Variants in SPAG9 observed in about 807,000 individuals in gnomAD.
The protein encoded by SPAG9 is C-Jun-amino-terminal kinase-interacting protein 4.
A neutral mutation model predicts 166.5 loss-of-function variants in SPAG9; 35 were observed. The ratio of observed to expected loss-of-function variants is 0.21; its 90% CI spans 0.16 to 0.28. The LOEUF is 0.28. Among genes scored for constraint, SPAG9 ranks in the 10% least tolerant of loss-of-function variants. The pLI, the probability that SPAG9 is intolerant of heterozygous loss-of-function variation, is 1.00. For synonymous variants in SPAG9, 534 were observed against 565.5 expected (o/e 0.94, Z 0.79); for missense variants, 1,235 against 1,603.3 (o/e 0.77, Z 3.92).
chr17:51,017,673 A>T (rs2045760498), intron 8 of SPAG9, among the ~76,000 whole-genome samples: 1 of 152,228 alleles, frequency 6.6e-6, no homozygotes, highest in South Asian at 2.1e-4. Context: ...GATCTACCTC[A>T]TAAGGTTGTA....
chr17:51,021,425 T>A, intron 6 of SPAG9, 60 bp from the exon 7 acceptor site: 2 of 1,318,854 alleles, frequency 1.5e-6, no homozygotes, highest in South Asian at 1.4e-5. Flanking sequence ...TAAACCACAT[T>A]AAATGGGTTG....
At chr17:50,996,028 T>C (rs978041262) in intron 16 of SPAG9, 1 of 159,700 alleles carries the variant, frequency 6.3e-6, no homozygotes, top group Non-Finnish European at 1.4e-5. Flanking sequence ...AAAATCAAGT[T>C]GAGCAATTCA....
chr17:50,975,783 G>T, intron 27 of SPAG9: 3 of 1,007,598 alleles, frequency 3.0e-6, no homozygotes, highest in Non-Finnish European at 3.0e-6. Flanking sequence ...ATTCAAGAGG[G>T]TATTCTAGAG....
chr17:51,030,072 T>C (rs1461125010), intron 6 of SPAG9, among the ~76,000 whole-genome samples: 2 of 152,196 alleles, frequency 1.3e-5, no homozygotes, highest in Non-Finnish European at 2.9e-5. Context: ...CATTTTCTTA[T>C]GGGTTTTAAA....
At chr17:50,988,147 C>T (rs192096284) in intron 21 of SPAG9, among the ~76,000 whole-genome samples, 10 of 152,026 alleles carry the variant, frequency 6.6e-5, no homozygotes, top group Admixed American at 4.6e-4. Context: ...ACCTGGAAGG[C>T]GGAGGTTGCA....
chr17:51,111,054 T>C (rs2049096596), intron 1 of SPAG9, among the ~76,000 whole-genome samples: 1 of 151,220 alleles, frequency 6.6e-6, no homozygotes, highest in Non-Finnish European at 1.5e-5. Flanking sequence ...AGGCGGAGGT[T>C]GCAGTGAGCC....
intron 2 of SPAG9, among the ~76,000 whole-genome samples, chr17:51,062,245 C>T (rs763539023): frequency 1.3e-5 from 2 of 152,160 alleles, no homozygotes; most frequent in Non-Finnish European, 2.9e-5. Context: ...GAGTGGTATA[C>T]CTTTTACAAT....
At chr17:51,041,289 A>T (rs1428368167) in intron 5 of SPAG9, among the ~76,000 whole-genome samples, 1 of 152,218 alleles carries the variant, frequency 6.6e-6, no homozygotes, top group Non-Finnish European at 1.5e-5. Context: ...AGATGATATA[A>T]TGCTTCACTT....
At chr17:51,077,642 C>T (rs904791239) in intron 2 of SPAG9, among the ~76,000 whole-genome samples, 14 of 151,748 alleles carry the variant, frequency 9.2e-5, no homozygotes, top group Non-Finnish European at 1.6e-4. Flanking sequence ...TGCAGTCCTC[C>T]GAGATTTCAA....
intron 12 of SPAG9, among the ~76,000 whole-genome samples, chr17:51,003,967 T>TA: frequency 6.6e-6 from 1 of 152,162 alleles, no homozygotes. Context: ...AATAAATACA[T>TA]AAATTGTGAC....
At chr17:50,967,399 G>GA (rs1178076136) in intron 29 of SPAG9, among the ~76,000 whole-genome samples, 3 of 152,086 alleles carry the variant, frequency 2.0e-5, no homozygotes, top group Non-Finnish European at 4.4e-5. Flanking sequence ...CAACAGAAGA[G>GA]AAAAAACCCT....
rs1264745972 is a variant in SPAG9 at position 51,031,719 on chromosome 17, T to C, written c.745A>G (p.Ser249Gly). The C allele has an allele frequency of 3.9e-6, 6 of 1,550,640 alleles. No homozygotes were observed. The highest frequency in any genetic ancestry group is 5.2e-6 in the Non-Finnish European group (6 of 1,146,192). The change falls in exon 6 of 30, where the codon AGC becomes GGC. Residue 249 changes from serine (S) to glycine (G), a missense_variant. Ser to Gly is a moderately conservative substitution (Grantham distance 56, BLOSUM62 0). Transcript: ENST00000262013. Reference protein sequence around the residue: ...QPRSHTSLKVSNSPEPQKAVE... With the variant: ...QPRSHTSLKVGNSPEPQKAVE... ...GCCTTCTGAGGTTCAGGACTATTGCTGACCTAGGAAGAGGGAAGATTATAA... is the reference window on the plus strand; with the variant it reads ...GCCTTCTGAGGTTCAGGACTATTGCCGACCTAGGAAGAGGGAAGATTATAA...
chr17:50,982,101 A>G (rs928854568), intron 25 of SPAG9, among the ~76,000 whole-genome samples: 10 of 152,206 alleles, frequency 6.6e-5, no homozygotes, highest in Admixed American at 4.6e-4. Flanking sequence ...TCATTTTTAC[A>G]ACAAATTCCC....
chr17:51,050,214 C>T (rs2047143727), intron 3 of SPAG9, among the ~76,000 whole-genome samples: 1 of 152,102 alleles, frequency 6.6e-6, no homozygotes, highest in Non-Finnish European at 1.5e-5. Flanking sequence ...TCAATTCTAA[C>T]TCAACCAAAC....
chr17:50,997,872 C>T (rs568557339), intron 15 of SPAG9, among the ~76,000 whole-genome samples: 1 of 151,932 alleles, frequency 6.6e-6, no homozygotes, highest in South Asian at 2.1e-4. Context: ...ATTCACATTT[C>T]TATTAATAGG....
chr17:51,079,512 T>C (rs2048105636), intron 2 of SPAG9, 72 bp downstream of exon 2: 2 of 1,484,094 alleles, frequency 1.3e-6, no homozygotes, highest in Middle Eastern at 1.8e-4. Flanking sequence ...GTGCTGGGAT[T>C]ACAGGCGTGA....
intron 4 of SPAG9, among the ~76,000 whole-genome samples, chr17:51,042,250 C>T (rs530592014): frequency 1.3e-5 from 2 of 152,290 alleles, no homozygotes; most frequent in African/African-American, 4.8e-5. Flanking sequence ...AAGCACAGTA[C>T]ATATGAGAAA....
At chr17:50,982,705 A>G in intron 24 of SPAG9, 33 bp from the exon 25 acceptor site, 1 of 1,549,294 alleles carries the variant, frequency 6.5e-7, no homozygotes, top group Admixed American at 2.1e-5. Context: ...TAGTAAATAC[A>G]TACCACCTGT....
At chr17:51,004,139 C>T (rs1298052141) in intron 12 of SPAG9, among the ~76,000 whole-genome samples, 2 of 152,072 alleles carry the variant, frequency 1.3e-5, no homozygotes, top group Non-Finnish European at 2.9e-5. Context: ...ACCATATATA[C>T]ATATGTGATA....
Sources: allele counts gnomAD v4.1 joint callset (sites outside exome capture counted in the v4.1 genomes callset), GRCh38; gene constraint gnomAD v4.1.1; transcripts MANE v1.5; gene names NCBI Gene and HGNC (gene_info 2026-07-23, HGNC 2026-07-21).